The following ABCC9 variants were observed in gnomAD, a reference collection of about 807,000 sequenced individuals.
ABCC9 encodes the protein ATP binding cassette subfamily C member 9, also known as ATP-binding cassette sub-family C member 9.
ABCC9 carries 95 observed loss-of-function variants against 188.3 expected under a neutral mutation model. The ratio of observed to expected loss-of-function variants is 0.50; its 90% CI spans 0.43 to 0.60. ABCC9 has a LOEUF of 0.60. ABCC9 is among the 20% of genes least tolerant of loss of function. The pLI is 0.00. For synonymous variants in ABCC9, 659 were observed against 652.7 expected, an observed-to-expected ratio of 1.01 and a Z score of -0.15; for missense variants, 1,102 against 1,876.3, an observed-to-expected ratio of 0.59 and a Z score of 7.62.
intron 5 of ABCC9, among the ~76,000 whole-genome samples, chr12:21,919,823 A>G (rs1032765853): frequency 3.9e-5 from 6 of 152,080 alleles, no homozygotes; most frequent in African/African-American, 1.4e-4. Context: ...CAAGAAAATA[A>G]CTGATGAATA....
At chr12:21,865,154 T>C (rs1945718630) in intron 18 of ABCC9, among the ~76,000 whole-genome samples, 2 of 152,280 alleles carry the variant, frequency 1.3e-5, no homozygotes, top group South Asian at 4.1e-4. Flanking sequence ...TTGAATTCAA[T>C]AACATACACA....
Position 21,908,129 on chromosome 12 carries a change from G to T in ABCC9, c.1403C>A (p.Pro468Gln). The T allele has an allele frequency of 6.2e-7, 1 of 1,612,522 alleles. No individual in the cohort carries two copies. The highest frequency in any genetic ancestry group is 8.5e-7 in the Non-Finnish European group (1 of 1,179,050). Reference sequence around the variant, plus strand: ...CTTTGTAGCAATAAAGTACTGAATTGGCGCAAGGAGCACAATGACAGCTGC... The same window carrying T: ...CTTTGTAGCAATAAAGTACTGAATTTGCGCAAGGAGCACAATGACAGCTGC... Reference protein sequence around the residue: ...VGAAVIVLLAPIQYFIATKLA... With the variant: ...VGAAVIVLLAQIQYFIATKLA... Residue 468 changes from proline to glutamine, a missense_variant, in exon 11 of 40, where the codon CCA becomes CAA. This residue lies in a region of ABCC9 where 305 missense variants were observed against 573.0 expected (regional missense o/e 0.53). Coordinates refer to ENST00000261200, the MANE Select transcript of ABCC9 (RefSeq NM_020297.4).
chr12:21,807,009 G>A (rs901327867), intron 38 of ABCC9, among the ~76,000 whole-genome samples: 3 of 152,082 alleles, frequency 2.0e-5, no homozygotes, highest in Admixed American at 6.6e-5. Flanking sequence ...AGAGATTTTC[G>A]TACTGCATTT....
At chr12:21,827,396 C>G in intron 31 of ABCC9, 1 of 808,690 alleles carries the variant, frequency 1.2e-6, no homozygotes, top group Non-Finnish European at 1.5e-6. Context: ...CATACTTGAT[C>G]TTCAAGTTCA....
At chr12:21,899,593 A>T (rs1329402487) in intron 12 of ABCC9, among the ~76,000 whole-genome samples, 1 of 152,136 alleles carries the variant, frequency 6.6e-6, no homozygotes, top group Non-Finnish European at 1.5e-5. Context: ...GCACCTGGAA[A>T]ATCAGGTCAC....
At position 21,799,179 on chromosome 12, in the gene ABCC9, A is replaced by G. The variant is rs1303697533; in HGVS notation, c.*1865T>C. ...GAGTTAGTGGGTGCAGCGCACCAGC[A>G]TGGCACATGTATATATATGTAACTA... On this transcript the variant is annotated 3_prime_UTR_variant, in exon 40 of 40. Transcript: ENST00000261200. 2 of 150,734 alleles carry G rather than the reference A, an allele frequency of 1.3e-5. No individual in the cohort carries two copies. Among genetic ancestry groups the G allele is most frequent in the Non-Finnish European group, 3.0e-5 (2 of 67,758 alleles). 9.3% of individuals were successfully genotyped at this position (150,734 alleles called of 1,614,324 possible). A position where few individuals can be genotyped will look rare whatever the true frequency, so the allele number is the denominator to read the frequency against.
rs1319818746 is a variant in ABCC9 at position 21,908,340 on chromosome 12, A to G, written c.1321-129T>C. 5.9e-6 allele frequency: 7 copies of G among 1,182,282 alleles called. No individual in the cohort carries two copies. The East Asian group carries it at 1.5e-4, about 26-fold the overall frequency. 73.2% of individuals were successfully genotyped at this position (1,182,282 alleles called of 1,614,324 possible). Reference sequence around the variant, plus strand: ...TATTGTTTATTTGGAAGTCAACGGTATTAGGGTTCTCTAGAGGGACAGAAT... The same window carrying G: ...TATTGTTTATTTGGAAGTCAACGGTGTTAGGGTTCTCTAGAGGGACAGAAT... On this transcript the variant is annotated intron_variant, in intron 10 of 39. Coordinates refer to ENST00000261200, the MANE Select transcript of ABCC9 (RefSeq NM_020297.4).
At chr12:21,871,757 C>G (rs554669312) in intron 18 of ABCC9, among the ~76,000 whole-genome samples, 1 of 152,272 alleles carries the variant, frequency 6.6e-6, no homozygotes, top group South Asian at 2.1e-4. Context: ...CTCTATCCAC[C>G]AGGCCAGTAG....
chr12:21,935,295 A>G (rs1949442849), intron 3 of ABCC9, among the ~76,000 whole-genome samples: 1 of 152,280 alleles, frequency 6.6e-6, no homozygotes, highest in Non-Finnish European at 1.5e-5. Flanking sequence ...ATAATACTAC[A>G]TAAACAAAGA....
chr12:21,852,443 C>A lies in ABCC9; in HGVS notation c.2568G>T (p.Leu856Phe). Residue 856 changes from leucine (L) to phenylalanine (F), a missense_variant, in exon 23 of 40, where the codon TTG (leucine) becomes TTT (phenylalanine). Around this residue, in one of 12 missense-constraint regions of ABCC9, gnomAD observed 131 missense variants for 170.2 expected, o/e 0.77. Coordinates refer to ENST00000261200, the MANE Select transcript of ABCC9 (RefSeq NM_020297.4). ...LSDHLMQEGILKFLQDDKRTL... is the reference protein window; with the variant it reads ...LSDHLMQEGIFKFLQDDKRTL... The stretch of plus-strand genomic sequence containing the variant: ...TCCTTTTGTCATCTTGCAGGAATTT[C>A]AAAATCCCCTCCTGCATTAAATGAT... 6.2e-7 allele frequency: 1 copy of A among 1,613,700 alleles called. No homozygotes were observed. Among genetic ancestry groups the A allele is most frequent in the Non-Finnish European group, 8.5e-7 (1 of 1,179,924 alleles).
intron 34 of ABCC9, among the ~76,000 whole-genome samples, chr12:21,815,286 G>GT (rs201636994): frequency 0.027 from 3,622 of 132,210 alleles, 54 homozygotes; most frequent in Non-Finnish European, 0.032. Flanking sequence ...TTTCTTCATG[G>GT]TTTTTTTTTT....
chr12:21,935,321 A>G (rs953629763), intron 3 of ABCC9, among the ~76,000 whole-genome samples: 3 of 152,172 alleles, frequency 2.0e-5, no homozygotes, highest in Non-Finnish European at 4.4e-5. Context: ...GTTTCTACAT[A>G]TGGCCATTCT....
At chr12:21,860,651 T>C (rs1444171909) in intron 21 of ABCC9, among the ~76,000 whole-genome samples, 4 of 152,206 alleles carry the variant, frequency 2.6e-5, no homozygotes, top group Non-Finnish European at 5.9e-5. Context: ...GAAAGTAATC[T>C]TAGTTTCAAA....
intron 33 of ABCC9, 74 bp downstream of exon 33, chr12:21,817,113 C>T (rs1942697500): frequency 6.6e-7 from 1 of 1,526,622 alleles, no homozygotes; most frequent in South Asian, 1.1e-5. Context: ...GCAGAAACAA[C>T]AATGTGCCCA....
At chr12:21,939,254 C>G (rs543927152) in intron 2 of ABCC9, among the ~76,000 whole-genome samples, 1 of 152,144 alleles carries the variant, frequency 6.6e-6, no homozygotes, top group African/African-American at 2.4e-5. Flanking sequence ...CGCATGTCTC[C>G]TTTCACCTTT....
At chr12:21,880,576 C>A (rs2137638499) in intron 16 of ABCC9, among the ~76,000 whole-genome samples, 1 of 152,198 alleles carries the variant, frequency 6.6e-6, no homozygotes, top group Non-Finnish European at 1.5e-5. Flanking sequence ...CAAACTCAAA[C>A]CCCAGTGGCC....
At chr12:21,904,919 C>T (rs1947956798) in intron 12 of ABCC9, among the ~76,000 whole-genome samples, 1 of 152,124 alleles carries the variant, frequency 6.6e-6, no homozygotes, top group Admixed American at 6.5e-5. Context: ...CCCAGCAATC[C>T]CATTACTGGG....
At chr12:21,823,741 A>C (rs1417452534) in intron 31 of ABCC9, among the ~76,000 whole-genome samples, 1 of 152,218 alleles carries the variant, frequency 6.6e-6, no homozygotes, top group East Asian at 1.9e-4. Flanking sequence ...AGGGATGAAG[A>C]GAAAAGACTG....
At chr12:21,861,166 T>C (rs749913471) in intron 20 of ABCC9, 111 bp from the exon 21 acceptor site, 1 of 842,476 alleles carries the variant, frequency 1.2e-6, no homozygotes, top group Non-Finnish European at 2.0e-6. Flanking sequence ...CTGAATCACT[T>C]ATTATATGCC....
Sources: gnomAD v4.1 joint callset for allele counts (sites outside exome capture counted in the v4.1 genomes callset) on GRCh38, gnomAD v4.1.1 for gene constraint, gnomAD v4.1.1 regional missense constraint, MANE v1.5 for transcripts, NCBI Gene and HGNC (gene_info 2026-07-23, HGNC 2026-07-21) for gene names.